ANKS3: variants seen among roughly 807,000 people sequenced by gnomAD.
ANKS3 encodes ankyrin repeat and SAM domain-containing protein 3.
ANKS3 carries 62 observed loss-of-function variants against 80.7 expected under a neutral mutation model. The ratio of observed to expected loss-of-function variants is 0.77; its 90% CI spans 0.63 to 0.95. ANKS3 has a LOEUF of 0.95. Among genes scored for constraint, ANKS3 ranks in the 40% least tolerant of loss-of-function variants. The pLI, the probability that ANKS3 is intolerant of heterozygous loss-of-function variation, is 0.00. For missense variants in ANKS3, 1,150 were observed against 883.6 expected, an observed-to-expected ratio of 1.30 and a Z score of -3.82; for synonymous variants, 489 against 355.3, an observed-to-expected ratio of 1.38 and a Z score of -4.23.
At chr16:4,698,638 G>A (rs1168539944) in intron 13 of ANKS3, 39 bp from the exon 14 acceptor site, 6 of 1,533,748 alleles carry the variant, frequency 3.9e-6, no homozygotes, top group South Asian at 3.7e-5. Flanking sequence ...CTGGGAGGTG[G>A]CCGGTCAAGC....
At chr16:4,733,645 A>C (rs2081784639) in intron 1 of ANKS3, among the ~76,000 whole-genome samples, 1 of 152,186 alleles carries the variant, frequency 6.6e-6, no homozygotes, top group Non-Finnish European at 1.5e-5. Context: ...TTGTAACACA[A>C]AGGATAAATG....
At chr16:4,711,162 G>T (rs1034740093) in intron 7 of ANKS3, among the ~76,000 whole-genome samples, 1 of 138,006 alleles carries the variant, frequency 7.2e-6, no homozygotes, top group African/African-American at 2.7e-5. Flanking sequence ...GGACTGCAAT[G>T]GCACGATCTC....
chr16:4,697,009 A>ACACT lies in ANKS3; in HGVS notation c.*11+4_*11+7dup. On this transcript the variant is annotated splice_region_variant and intron_variant, in intron 17 of 17. Transcript: ENST00000304283. Reference sequence around the variant, plus strand: ...CACCACGCGGGATCCAGGCTGGCAGACACTCACCGGCCCGCAGGCTAGGTC... The same window carrying ACACT: ...CACCACGCGGGATCCAGGCTGGCAGACACTCACTCACCGGCCCGCAGGCTAGGTC... 3 of 1,611,450 alleles carry ACACT rather than the reference A, an allele frequency of 1.9e-6. No individual in the cohort carries two copies. Among genetic ancestry groups the ACACT allele is most frequent in the Non-Finnish European group, 2.5e-6 (3 of 1,179,160 alleles).
intron 7 of ANKS3, among the ~76,000 whole-genome samples, chr16:4,712,370 A>G (rs767062574): frequency 5.1e-4 from 77 of 152,038 alleles, no homozygotes; most frequent in Non-Finnish European, 1.0e-3. Flanking sequence ...ACAGAGCAAG[A>G]CTCCATTTCA....
rs558387422 is a variant in ANKS3, at chr16:4,705,416, C to T, written c.710-163G>A. On this transcript the variant is annotated intron_variant, in intron 7 of 17. Transcript: ENST00000304283. ...TGAGAAATGCCCTAACAGGCCGGGG[C>T]GCTGCTCCAATGGGCCACAGGGAGC... 1.4e-4 allele frequency among the ~76,000 whole-genome samples: 22 copies of T among 152,298 alleles called. No individual in the cohort carries two copies. The East Asian group carries it at 1.7e-3, about 12-fold the overall frequency.
intron 9 of ANKS3, 53 bp downstream of exon 9, chr16:4,702,049 G>C: frequency 1.3e-6 from 2 of 1,517,780 alleles, no homozygotes; most frequent in Non-Finnish European, 1.8e-6. Context: ...TGGGCACACA[G>C]GAGCTCCAGG....
chr16:4,716,525 T>G lies in ANKS3; in HGVS notation c.574-2339A>C, dbSNP rs183261515. 5.3e-4 allele frequency among the ~76,000 whole-genome samples: 81 copies of G among 152,202 alleles called. 1 individual carries two copies. The highest frequency in any genetic ancestry group is 9.9e-4 in the African/African-American group (41 of 41,532). On this transcript the variant is annotated intron_variant, in intron 6 of 17. Transcript: ENST00000304283. The stretch of plus-strand genomic sequence containing the variant: ...TGGGCAGGGATACAGGACAAAAAAC[T>G]GTGTTTTCACAAAGTATAAGGAGTT...
rs973376489 is a variant in ANKS3 at position 4,698,890 on chromosome 16, G to A, written c.1461C>T (p.Ser487=). 6.2e-6 allele frequency: 10 copies of A among 1,600,208 alleles called. No individual in the cohort carries two copies. The African/African-American group carries it at 9.3e-5, about 15-fold the overall frequency. Residue 487 remains serine, a synonymous_variant, in exon 13 of 18, where the codon AGC becomes AGT. Transcript: ENST00000304283. ...GGGCATCCCCGGGTGGGCGGGCACT[G>A]CTGTGCCAGCGGGCAATGGCGGACG... is the stretch of plus-strand genomic sequence containing the variant. ...KMTSAIARWH[S]SARPPGDALE...
intron 7 of ANKS3, among the ~76,000 whole-genome samples, chr16:4,705,926 C>CTTTTTTT (rs58092936): frequency 6.7e-6 from 1 of 149,364 alleles, no homozygotes; most frequent in Non-Finnish European, 1.5e-5. Context: ...TTGGAAACAA[C>CTTTTTTT]TTTTTTTTTT....
At chr16:4,699,680 TGC>T (rs2079791112) in intron 11 of ANKS3, 1 of 171,892 alleles carries the variant, frequency 5.8e-6, no homozygotes, top group Non-Finnish European at 1.3e-5. Context: ...CCTTCTGGAA[TGC>T]CACTGTATGG....
chr16:4,716,589 G>A (rs1200334991), intron 6 of ANKS3, among the ~76,000 whole-genome samples: 2 of 151,970 alleles, frequency 1.3e-5, no homozygotes, highest in African/African-American at 4.8e-5. Context: ...TTTTGACTCT[G>A]ATTAAAAATT....
chr16:4,723,586 C>A (rs2081210693), intron 6 of ANKS3, among the ~76,000 whole-genome samples: 1 of 152,222 alleles, frequency 6.6e-6, no homozygotes, highest in Non-Finnish European at 1.5e-5. Flanking sequence ...CCGCACCCAG[C>A]CCAGCCTAAC....
chr16:4,710,304 G>C lies in ANKS3; in HGVS notation c.709+3747C>G, dbSNP rs2080416457. On this transcript the variant is annotated intron_variant, in intron 7 of 17. Coordinates refer to ENST00000304283, the MANE Select transcript of ANKS3 (RefSeq NM_133450.4). ...GAAATGATAAATGTTTGAGGTGATG[G>C]ATAAGCTAATCACCTTAATTTGATC... is the stretch of plus-strand genomic sequence containing the variant. Among the ~76,000 whole-genome samples, 2 of 152,162 alleles carry C rather than the reference G, an allele frequency of 1.3e-5. 1 individual carries two copies. Among genetic ancestry groups the C allele is most frequent in the South Asian group, 4.1e-4 (2 of 4,830 alleles).
In ANKS3 at chr16:4,697,395, G is replaced by C; in HGVS notation, c.1832C>G (p.Ser611Cys). 1.2e-6 allele frequency: 2 copies of C among 1,608,890 alleles called. No individual in the cohort carries two copies. The highest frequency in any genetic ancestry group is 1.1e-5 in the South Asian group (1 of 90,916). The change falls in exon 16 of 18, where the codon TCC becomes TGC. Residue 611 changes from serine (S) to cysteine (C), a missense_variant. Transcript: ENST00000304283. ...CTCGGGGAGGCTCATGGCCTGCAGG[G>C]ACGCTTGCCAGCCCTTGGAGTCTGT... is the stretch of plus-strand genomic sequence containing the variant. ...PPADSKGWQA[S>C]LQAMSLPELS...
intron 5 of ANKS3, 88 bp downstream of exon 5, chr16:4,726,571 A>C (rs1596452958): frequency 6.8e-7 from 1 of 1,473,278 alleles, no homozygotes; most frequent in South Asian, 1.2e-5. Context: ...GTGGCCCTAA[A>C]CTCTGGTTAG....
chr16:4,728,605 C>G (rs1013513235), intron 3 of ANKS3, among the ~76,000 whole-genome samples: 1 of 152,112 alleles, frequency 6.6e-6, no homozygotes, highest in Non-Finnish European at 1.5e-5. Context: ...CAGCCCCACC[C>G]CTTCCTTCTG....
intron 5 of ANKS3, among the ~76,000 whole-genome samples, chr16:4,725,837 T>C (rs1473026870): frequency 6.6e-6 from 1 of 151,680 alleles, no homozygotes; most frequent in African/African-American, 2.4e-5. Flanking sequence ...TTTTTGTATT[T>C]TTAGTAGAGA....
At chr16:4,710,724 T>A (rs1444099395) in intron 7 of ANKS3, among the ~76,000 whole-genome samples, 2 of 152,074 alleles carry the variant, frequency 1.3e-5, no homozygotes, top group African/African-American at 4.8e-5. Context: ...AATAAATCAA[T>A]ATTTTCCATG....
Position 4,731,672 on chromosome 16 carries a change from A to G in ANKS3, c.-70-93T>C, listed in dbSNP as rs571934483. The G allele has an allele frequency of 3.1e-5, 22 of 706,560 alleles. No homozygotes were observed. The African/African-American group carries it at 4.2e-4, about 14-fold the overall frequency. 43.8% of individuals were successfully genotyped at this position (706,560 alleles called of 1,614,324 possible). On this transcript the variant is annotated intron_variant, in intron 1 of 17. Transcript: ENST00000304283. ...AAATAAATTTTTCTGAAAAAAATAGAAAGCAATTCCCCAACAGACAAACCA... is the reference window on the plus strand; with the variant it reads ...AAATAAATTTTTCTGAAAAAAATAGGAAGCAATTCCCCAACAGACAAACCA...
Sources: allele counts gnomAD v4.1 joint callset (sites outside exome capture counted in the v4.1 genomes callset), GRCh38; gene constraint gnomAD v4.1.1; transcripts MANE v1.5; gene names NCBI Gene and HGNC (gene_info 2026-07-23, HGNC 2026-07-21).